The following CACYBP variants were observed in gnomAD, a reference collection of about 807,000 sequenced individuals.
CACYBP encodes the protein calcyclin-binding protein.
Under a neutral mutation model 29.6 loss-of-function variants are expected in CACYBP, and 11 were observed. The ratio of observed to expected loss-of-function variants is 0.37; its 90% CI spans 0.23 to 0.61. CACYBP has a LOEUF of 0.61. Among genes scored for constraint, CACYBP ranks in the 20% least tolerant of loss-of-function variants. The pLI is 0.65. For missense variants in CACYBP, 163 were observed against 260.7 expected (o/e 0.63, Z 2.58); for synonymous variants, 73 against 88.3 (o/e 0.83, Z 0.97).
chr1:175,009,223 T>G (rs1039404876), intron 5 of CACYBP, among the ~76,000 whole-genome samples: 11 of 152,198 alleles, frequency 7.2e-5, no homozygotes. Context: ...AAAAAATACA[T>G]GAGCTTCAGG....
intron 1 of CACYBP, among the ~76,000 whole-genome samples, chr1:175,001,147 C>G (rs1672477170): frequency 1.3e-5 from 2 of 152,176 alleles, no homozygotes; most frequent in South Asian, 4.1e-4. Flanking sequence ...CAGTATTAAT[C>G]TGGGTATCTT....
intron 1 of CACYBP, among the ~76,000 whole-genome samples, chr1:175,000,995 T>C (rs1277699743): frequency 2.0e-5 from 3 of 152,234 alleles, no homozygotes; most frequent in African/African-American, 7.2e-5. Context: ...TATTCACAGT[T>C]AAGTGTTGGG....
At chr1:175,009,721 C>G (rs1005766782) in intron 5 of CACYBP, among the ~76,000 whole-genome samples, 3 of 150,146 alleles carry the variant, frequency 2.0e-5, no homozygotes, top group African/African-American at 7.3e-5. Flanking sequence ...TGACCTCTTT[C>G]GTGCACCAAG....
chr1:175,007,044 T>G, intron 3 of CACYBP, 54 bp from the exon 4 acceptor site: 1 of 1,253,292 alleles, frequency 8.0e-7, no homozygotes, highest in African/African-American at 1.5e-5. Flanking sequence ...AACTATGGAG[T>G]AAGGGTACCT....
chr1:175,007,048 G>A lies in CACYBP; in HGVS notation c.333-50G>A, dbSNP rs16847689. 41,439 of 1,275,184 alleles carry A rather than the reference G, an allele frequency of 0.032. 9,535 individuals carry two copies. In the African/African-American group the frequency reaches 0.52, roughly 16 times the overall value. The allele number at this position is 1,275,184 out of a possible 1,614,324, so 79.0% of individuals were successfully genotyped here. On this transcript the variant is annotated intron_variant, in intron 3 of 5. Coordinates refer to ENST00000367679, the MANE Select transcript of CACYBP (RefSeq NM_014412.3). ...TTTCCCACAAGAACTATGGAGTAAG[G>A]GTACCTTTCATAGAACTAGAAAGAT...
intron 1 of CACYBP, among the ~76,000 whole-genome samples, chr1:175,001,257 T>A (rs541205483): frequency 5.3e-5 from 8 of 152,186 alleles, no homozygotes; most frequent in Non-Finnish European, 7.4e-5. Flanking sequence ...CTCTTGAAAG[T>A]AGAGATCGTT....
At chr1:175,006,065 T>C (rs546463739) in intron 2 of CACYBP, among the ~76,000 whole-genome samples, 1 of 152,320 alleles carries the variant, frequency 6.6e-6, no homozygotes, top group Non-Finnish European at 1.5e-5. Flanking sequence ...AAACAGAAGA[T>C]GCTTTTTTGT....
intron 5 of CACYBP, among the ~76,000 whole-genome samples, chr1:175,009,506 C>A (rs1274602876): frequency 6.6e-6 from 1 of 151,732 alleles, no homozygotes; most frequent in African/African-American, 2.4e-5. Flanking sequence ...ATTAGCCGGG[C>A]ATGGTGGCAT....
In CACYBP at chr1:175,010,175, A is replaced by G. The variant is rs1672715672; in HGVS notation, c.*96A>G. 9.9e-7 allele frequency: 1 copy of G among 1,010,898 alleles called. No homozygotes were observed. The highest frequency in any genetic ancestry group is 1.5e-6 in the Non-Finnish European group (1 of 678,712). 62.6% of individuals were successfully genotyped at this position (1,010,898 alleles called of 1,614,324 possible). Reference sequence around the variant, plus strand: ...TGAGCTGCATATATAAATTTGACAGATAGCTATTTACATAGCCTTCTAAGT... The same window carrying G: ...TGAGCTGCATATATAAATTTGACAGGTAGCTATTTACATAGCCTTCTAAGT... On this transcript the variant is annotated 3_prime_UTR_variant, in exon 6 of 6. Transcript: ENST00000367679.
intron 1 of CACYBP, among the ~76,000 whole-genome samples, chr1:175,003,842 C>T (rs1672552663): frequency 6.6e-6 from 1 of 151,650 alleles, no homozygotes. Flanking sequence ...TTGCCTCTAT[C>T]TCTAGAAAGT....
At chr1:175,002,655 A>G (rs1672521695) in intron 1 of CACYBP, among the ~76,000 whole-genome samples, 1 of 152,238 alleles carries the variant, frequency 6.6e-6, no homozygotes, top group South Asian at 2.1e-4. Flanking sequence ...TGTGCAGAAA[A>G]AGCATCAAAG....
intron 1 of CACYBP, chr1:175,000,608 T>A: frequency 1.8e-6 from 2 of 1,089,798 alleles, no homozygotes; most frequent in Non-Finnish European, 2.2e-6. Flanking sequence ...AGGTGAGTTC[T>A]CAGTGCTAGC....
At chr1:175,009,462 A>G (rs1164324228) in intron 5 of CACYBP, among the ~76,000 whole-genome samples, 1 of 152,082 alleles carries the variant, frequency 6.6e-6, no homozygotes, top group Non-Finnish European at 1.5e-5. Flanking sequence ...CCTGGCCAAC[A>G]TGGTGAAACT....
intron 2 of CACYBP, 77 bp from the exon 3 acceptor site, chr1:175,006,668 A>G: frequency 1.4e-6 from 1 of 724,206 alleles, no homozygotes; most frequent in Non-Finnish European, 2.5e-6. Context: ...TTCCTGACTT[A>G]TGAGCCATGT....
chr1:175,000,686 G>T, intron 1 of CACYBP: 1 of 850,430 alleles, frequency 1.2e-6, no homozygotes, highest in Non-Finnish European at 1.4e-6. Flanking sequence ...AAGTTGTTTA[G>T]CTTCTCTGTG....
rs1441429907 is a variant in CACYBP, at chr1:175,000,199, A to G, written c.15+4A>G. 1.2e-6 allele frequency: 2 copies of G among 1,607,050 alleles called. No homozygotes were observed. The highest frequency in any genetic ancestry group is 1.1e-5 in the South Asian group (1 of 89,988). On this transcript the variant is annotated splice_donor_region_variant and intron_variant, in intron 1 of 5. Transcript: ENST00000367679. Reference sequence around the variant, plus strand: ...AGCCCCCATGGCTTCAGAAGAGGTAAGTGGTCCGGCCCCATATTCCTTATG... The same window carrying G: ...AGCCCCCATGGCTTCAGAAGAGGTAGGTGGTCCGGCCCCATATTCCTTATG...
chr1:175,000,222 A>G, intron 1 of CACYBP, 27 bp downstream of exon 1: 2 of 1,596,024 alleles, frequency 1.3e-6, no homozygotes, highest in East Asian at 4.6e-5. Flanking sequence ...CATATTCCTT[A>G]TGCCCCCCGG....
At chr1:175,003,104 G>A (rs941115169) in intron 1 of CACYBP, among the ~76,000 whole-genome samples, 1 of 147,244 alleles carries the variant, frequency 6.8e-6, no homozygotes, top group Non-Finnish European at 1.5e-5. Context: ...GGACAAGAGG[G>A]TTGGGCAGAG....
At chr1:175,008,555 C>A in intron 4 of CACYBP, 54 bp from the exon 5 acceptor site, 3 of 825,602 alleles carry the variant, frequency 3.6e-6, no homozygotes, top group Non-Finnish European at 6.3e-6. Flanking sequence ...TATAAATATT[C>A]ATGCTTATCT....
Sources: allele counts gnomAD v4.1 joint callset (sites outside exome capture counted in the v4.1 genomes callset), GRCh38; gene constraint gnomAD v4.1.1; transcripts MANE v1.5; gene names NCBI Gene and HGNC (gene_info 2026-07-23, HGNC 2026-07-21).